SSH2: variants seen among roughly 807,000 people sequenced by gnomAD.
SSH2 encodes the protein protein phosphatase Slingshot homolog 2.
In SSH2, 37 loss-of-function variants were observed where a neutral mutation model predicts 135.2. The observed-to-expected ratio is 0.27, with a 90% confidence interval of 0.21 to 0.36. SSH2 has a LOEUF of 0.36. SSH2 is among the 10% of genes least tolerant of loss of function. SSH2 has a pLI of 1.00. For synonymous variants in SSH2, 628 were observed against 646.2 expected, an observed-to-expected ratio of 0.97 and a Z score of 0.43; for missense variants, 1,408 against 1,765.3, an observed-to-expected ratio of 0.80 and a Z score of 3.63.
rs370819589 is a variant in SSH2 at position 29,655,539 on chromosome 17, A to C, written c.1079+22T>G. On this transcript the variant is annotated intron_variant, in intron 12 of 15. Coordinates refer to ENST00000540801, the MANE Select transcript of SSH2 (RefSeq NM_001282129.2). ...GGGACTTCTGTTACACAGGGGTGCC[A>C]GCTATTGCTTTGTGTGCTTACCCTC... 3.8e-5 allele frequency: 61 copies of C among 1,612,572 alleles called. No homozygotes were observed. The African/African-American group carries it at 7.9e-4, about 21-fold the overall frequency.
chr17:29,804,733 A>C (rs2042309110), intron 2 of SSH2, among the ~76,000 whole-genome samples: 1 of 151,850 alleles, frequency 6.6e-6, no homozygotes, highest in African/African-American at 2.4e-5. Flanking sequence ...ATGCAAAGGC[A>C]CGATCATAGC....
intron 12 of SSH2, 72 bp downstream of exon 12, chr17:29,655,489 T>C: frequency 7.2e-7 from 1 of 1,394,734 alleles, no homozygotes; most frequent in Non-Finnish European, 1.0e-6. Flanking sequence ...TGATACCTCT[T>C]TGATGGGAAA....
intron 10 of SSH2, 65 bp from the exon 11 acceptor site, chr17:29,667,060 A>G (rs2037307836): frequency 1.2e-6 from 2 of 1,609,564 alleles, no homozygotes; most frequent in African/African-American, 2.7e-5. Flanking sequence ...ACCATGCACT[A>G]TTTCCAGCCC....
chr17:29,784,060 C>A, intron 3 of SSH2, among the ~76,000 whole-genome samples: 1 of 34,900 alleles, frequency 2.9e-5, no homozygotes, highest in African/African-American at 1.2e-4. Context: ...AGCGAGACTC[C>A]GTCTCAAAAA....
rs573795956 is a variant in SSH2, at chr17:29,805,540, T to A, written c.145-11603A>T. Among the ~76,000 whole-genome samples the A allele has an allele frequency of 6.6e-5, 10 of 152,282 alleles. No individual in the cohort carries two copies. In the South Asian group the frequency reaches 2.1e-3, roughly 32 times the overall value. On this transcript the variant is annotated intron_variant, in intron 2 of 15. Coordinates refer to ENST00000540801, the MANE Select transcript of SSH2 (RefSeq NM_001282129.2). The stretch of plus-strand genomic sequence containing the variant: ...GGCTAGGTTGTTAGATAACAATTGT[T>A]ACATTTTTAGGAACCTTGTGAGACA...
chr17:29,702,624 C>T (rs1165910949), intron 4 of SSH2, among the ~76,000 whole-genome samples: 1 of 152,184 alleles, frequency 6.6e-6, no homozygotes, highest in East Asian at 1.9e-4. Flanking sequence ...CACTGCACTC[C>T]ACCCTGGGTG....
chr17:29,884,982 C>T (rs911811473), intron 1 of SSH2, among the ~76,000 whole-genome samples: 2 of 152,110 alleles, frequency 1.3e-5, no homozygotes, highest in Admixed American at 1.3e-4. Flanking sequence ...GATGCATATT[C>T]CTGGGTCAAT....
intron 2 of SSH2, among the ~76,000 whole-genome samples, chr17:29,829,649 A>C (rs1331694809): frequency 6.6e-6 from 1 of 151,982 alleles, no homozygotes; most frequent in Non-Finnish European, 1.5e-5. Context: ...TCTTCTTTTA[A>C]CCAATATGTA....
chr17:29,704,943 C>G (rs1400651288), intron 3 of SSH2, among the ~76,000 whole-genome samples: 1 of 152,100 alleles, frequency 6.6e-6, no homozygotes, highest in Non-Finnish European at 1.5e-5. Flanking sequence ...GGTTAGCTAG[C>G]AGACTGTAAA....
rs374678597 is a variant in SSH2, at chr17:29,716,647, C to T, written c.189-13585G>A. 1.2e-5 allele frequency: 8 copies of T among 658,452 alleles called. No individual in the cohort carries two copies. The East Asian group carries it at 2.4e-4, about 20-fold the overall frequency. 40.8% of individuals were successfully genotyped at this position (658,452 alleles called of 1,614,324 possible). Reference sequence around the variant, plus strand: ...CATCTTTTCTAAAAGACCTAGAGAACATATATCGGGTGCCTCTCCTCTTTC... The same window carrying T: ...CATCTTTTCTAAAAGACCTAGAGAATATATATCGGGTGCCTCTCCTCTTTC... On this transcript the variant is annotated intron_variant, in intron 3 of 15. Transcript: ENST00000540801.
intron 1 of SSH2, among the ~76,000 whole-genome samples, chr17:29,890,935 T>C (rs532851634): frequency 6.6e-6 from 1 of 152,148 alleles, no homozygotes; most frequent in South Asian, 2.1e-4. Flanking sequence ...TTTGTATTTT[T>C]AGTAGAGACG....
At chr17:29,878,887 A>T (rs1445391615) in intron 1 of SSH2, among the ~76,000 whole-genome samples, 1 of 152,250 alleles carries the variant, frequency 6.6e-6, no homozygotes, top group Non-Finnish European at 1.5e-5. Context: ...ACAAGCTCAA[A>T]GCAGCAAATG....
At chr17:29,765,003 G>A (rs2041411104) in intron 3 of SSH2, among the ~76,000 whole-genome samples, 1 of 152,196 alleles carries the variant, frequency 6.6e-6, no homozygotes, top group African/African-American at 2.4e-5. Flanking sequence ...TAGATCACTT[G>A]AACTGATGCC....
intron 3 of SSH2, among the ~76,000 whole-genome samples, chr17:29,714,419 C>G (rs920760584): frequency 6.6e-6 from 1 of 152,184 alleles, no homozygotes; most frequent in African/African-American, 2.4e-5. Flanking sequence ...AGCATTTGGC[C>G]TAAGTGTCAA....
At chr17:29,653,978 T>A (rs2036685613) in intron 12 of SSH2, among the ~76,000 whole-genome samples, 1 of 152,214 alleles carries the variant, frequency 6.6e-6, no homozygotes, top group African/African-American at 2.4e-5. Context: ...GACTCTTGTA[T>A]ATAAAGCAGA....
chr17:29,789,573 A>G (rs1233259954), intron 3 of SSH2, among the ~76,000 whole-genome samples: 1 of 152,148 alleles, frequency 6.6e-6, no homozygotes, highest in Non-Finnish European at 1.5e-5. Context: ...CATCACACCC[A>G]CCATGGGTGG....
intron 5 of SSH2, among the ~76,000 whole-genome samples, chr17:29,687,390 T>C (rs1325855031): frequency 6.6e-6 from 1 of 152,196 alleles, no homozygotes; most frequent in African/African-American, 2.4e-5. Flanking sequence ...TGATGCCAAA[T>C]GCATAAGATA....
chr17:29,829,528 G>A (rs948171838), intron 2 of SSH2, among the ~76,000 whole-genome samples: 4 of 152,114 alleles, frequency 2.6e-5, no homozygotes, highest in African/African-American at 9.7e-5. Context: ...GAAGAAGGGA[G>A]CCTGGGTTCT....
chr17:29,870,912 C>A (rs2065927542), intron 1 of SSH2, among the ~76,000 whole-genome samples: 3 of 152,166 alleles, frequency 2.0e-5, no homozygotes, highest in Admixed American at 1.3e-4. Context: ...AGTCTGCACA[C>A]CCCAAAGGTC....
Sources: allele counts gnomAD v4.1 joint callset (sites outside exome capture counted in the v4.1 genomes callset), GRCh38; gene constraint gnomAD v4.1.1; transcripts MANE v1.5; gene names NCBI Gene and HGNC (gene_info 2026-07-23, HGNC 2026-07-21).